The following ESYT3 variants were observed in gnomAD, a reference collection of about 807,000 sequenced individuals.
ESYT3 encodes the protein extended synaptotagmin-3.
A neutral mutation model predicts 111.5 loss-of-function variants in ESYT3; 101 were observed. The ratio of observed to expected loss-of-function variants is 0.91; its 90% CI spans 0.77 to 1.07. ESYT3 has a LOEUF of 1.07. ESYT3 is among the 50% of genes least tolerant of loss of function. The pLI is 0.00. For missense variants in ESYT3, 1,097 were observed against 1,109.4 expected (o/e 0.99, Z 0.16); for synonymous variants, 416 against 446.8 (o/e 0.93, Z 0.87).
At position 138,440,240 on chromosome 3, in the gene ESYT3, A is replaced by C. The variant is rs2031045884; in HGVS notation, c.327+5115A>C. 6.6e-6 allele frequency among the ~76,000 whole-genome samples: 1 copy of C among 152,204 alleles called. No individual in the cohort carries two copies. Among genetic ancestry groups the C allele is most frequent in the African/African-American group, 2.4e-5 (1 of 41,458 alleles). ...GGGGAAAAAGGTGAGCCGTTCACAC[A>C]AAGCGATGGGCATTCTGAGGCGCAG... is the stretch of plus-strand genomic sequence containing the variant. On this transcript the variant is annotated intron_variant, in intron 1 of 22. Coordinates refer to ENST00000389567, the MANE Select transcript of ESYT3 (RefSeq NM_031913.5). The surrounding 1 kb of genome is among the most constrained non-coding windows in gnomAD (Gnocchi z 4.2).
chr3:138,467,234 C>T (rs138519176), intron 10 of ESYT3, among the ~76,000 whole-genome samples: 14 of 152,248 alleles, frequency 9.2e-5, no homozygotes, highest in Non-Finnish European at 1.6e-4. Context: ...TAGTTTTGCA[C>T]AATGAAGAAT....
At chr3:138,439,605 G>A (rs1402842530) in intron 1 of ESYT3, among the ~76,000 whole-genome samples, 4 of 152,158 alleles carry the variant, frequency 2.6e-5, no homozygotes, top group Non-Finnish European at 5.9e-5. Flanking sequence ...TCACTGACCC[G>A]TGAATTTCCA....
intron 17 of ESYT3, 53 bp downstream of exon 17, chr3:138,471,079 A>G: frequency 6.7e-7 from 1 of 1,486,454 alleles, no homozygotes; most frequent in Non-Finnish European, 9.3e-7. Flanking sequence ...CTGGCAATGG[A>G]GCAAGGTGTA....
chr3:138,454,108 C>T (rs1008200999), intron 2 of ESYT3, among the ~76,000 whole-genome samples: 50 of 152,302 alleles, frequency 3.3e-4, no homozygotes, highest in African/African-American at 1.2e-3. Flanking sequence ...CATTAAAATG[C>T]GTGGTGGTGC....
intron 4 of ESYT3, 107 bp downstream of exon 4, chr3:138,457,751 A>AC: frequency 9.3e-7 from 1 of 1,079,502 alleles, no homozygotes; most frequent in Non-Finnish European, 1.4e-6. Flanking sequence ...GGGATGTGGA[A>AC]CCCCTCACAG....
chr3:138,437,961 C>T (rs1331449395), intron 1 of ESYT3, among the ~76,000 whole-genome samples: 1 of 152,136 alleles, frequency 6.6e-6, no homozygotes, highest in Non-Finnish European at 1.5e-5. Flanking sequence ...GTGGGCTTTT[C>T]ACCCGCCTCG....
At chr3:138,445,135 G>C (rs1308591281) in intron 1 of ESYT3, among the ~76,000 whole-genome samples, 1 of 152,228 alleles carries the variant, frequency 6.6e-6, no homozygotes, top group Non-Finnish European at 1.5e-5. Context: ...GTTGAACACA[G>C]AAGTCTGAGA....
At chr3:138,461,991 C>T in intron 7 of ESYT3, 95 bp from the exon 8 acceptor site, 5 of 1,579,884 alleles carry the variant, frequency 3.2e-6, no homozygotes, top group Non-Finnish European at 4.3e-6. Flanking sequence ...CCCACCCTAC[C>T]AATCTGGGCT....
rs1270654396 is a variant in ESYT3 at position 138,464,408 on chromosome 3, C to G, written c.979C>G (p.Leu327Val). 1 of 1,614,144 alleles carries G rather than the reference C, an allele frequency of 6.2e-7. No individual in the cohort carries two copies. The highest frequency in any genetic ancestry group is 1.1e-5 in the South Asian group (1 of 91,074). ...GGCCCAGAAGGACAACTTTCTGGGG[C>G]TCCGAGGCAAGTCAGATCCCTACGC... Reference protein sequence around the residue: ...QLAQKDNFLGLRGKSDPYAKV... With the variant: ...QLAQKDNFLGVRGKSDPYAKV... The change falls in exon 9 of 23, where the codon CTC becomes GTC. Residue 327 changes from leucine to valine, a missense_variant. Transcript: ENST00000389567.
At chr3:138,458,289 C>A (rs1008674301) in intron 4 of ESYT3, among the ~76,000 whole-genome samples, 6 of 152,222 alleles carry the variant, frequency 3.9e-5, no homozygotes, top group African/African-American at 1.4e-4. Context: ...TTCTTCGGAC[C>A]GCCCATCCCC....
chr3:138,467,161 A>G (rs190156800), intron 10 of ESYT3, among the ~76,000 whole-genome samples: 39 of 152,228 alleles, frequency 2.6e-4, no homozygotes, highest in African/African-American at 8.4e-4. Flanking sequence ...TGACTGTGAG[A>G]GGTGGTTCTT....
At chr3:138,447,721 T>C (rs972770712) in intron 1 of ESYT3, among the ~76,000 whole-genome samples, 6 of 152,130 alleles carry the variant, frequency 3.9e-5, no homozygotes, top group African/African-American at 1.4e-4. Flanking sequence ...ACAAAAAATA[T>C]ACAGGACTTT....
chr3:138,476,688 T>C, intron 22 of ESYT3, 130 bp from the exon 23 acceptor site: 3 of 1,116,824 alleles, frequency 2.7e-6, no homozygotes, highest in Non-Finnish European at 4.0e-6. Context: ...GAACCCTGGC[T>C]GGCCAACTTA....
At position 138,471,023 on chromosome 3, in the gene ESYT3, T is replaced by G; in HGVS notation, c.1737T>G (p.Leu579=). The G allele has an allele frequency of 6.2e-7, 1 of 1,612,900 alleles. No individual in the cohort carries two copies. Among genetic ancestry groups the G allele is most frequent in the South Asian group, 1.1e-5 (1 of 90,936 alleles). ...GCCTCATCTCCATGAGGCTGGTGCT[T>G]CGGGTAAATCTCTCCGGTCCCCTGG... ...LDSLISMRLV[L]RFLQVEEREL... Residue 579 remains leucine (L), a synonymous_variant, in exon 17 of 23, where the codon CTT becomes CTG. Transcript: ENST00000389567.
intron 2 of ESYT3, among the ~76,000 whole-genome samples, chr3:138,454,846 T>C (rs988424226): frequency 1.3e-5 from 2 of 152,232 alleles, no homozygotes; most frequent in Non-Finnish European, 2.9e-5. Context: ...TACTTTTTGT[T>C]TAAACCACAG....
intron 12 of ESYT3, 120 bp downstream of exon 12, chr3:138,468,314 A>G: frequency 1.1e-6 from 1 of 910,494 alleles, no homozygotes. Context: ...CCTGAAGAAC[A>G]TGTCACTCAG....
At chr3:138,459,601 G>A (rs889872405) in intron 5 of ESYT3, among the ~76,000 whole-genome samples, 7 of 152,246 alleles carry the variant, frequency 4.6e-5, no homozygotes, top group African/African-American at 1.2e-4. Flanking sequence ...CTCTCGGCAG[G>A]AGTAGAAGAG....
intron 9 of ESYT3, 35 bp downstream of exon 9, chr3:138,464,550 CT>C: frequency 6.2e-7 from 1 of 1,610,722 alleles, no homozygotes; most frequent in South Asian, 1.1e-5. Flanking sequence ...AGCCTTCACT[CT>C]GAGTCATGCT....
At chr3:138,468,041 C>A in intron 11 of ESYT3, 64 bp from the exon 12 acceptor site, 1 of 1,473,706 alleles carries the variant, frequency 6.8e-7, no homozygotes, top group Non-Finnish European at 9.5e-7. Flanking sequence ...GACTGGGCTG[C>A]CCAGAGAGCA....
Sources: gnomAD v4.1 joint callset for allele counts (sites outside exome capture counted in the v4.1 genomes callset) on GRCh38, gnomAD v4.1.1 for gene constraint, Gnocchi (gnomAD v3.1) non-coding constraint, MANE v1.5 for transcripts, NCBI Gene and HGNC (gene_info 2026-07-23, HGNC 2026-07-21) for gene names.